The following RELN variants were observed in gnomAD, a reference collection of about 807,000 sequenced individuals.
The protein encoded by RELN is reelin.
Under a neutral mutation model 427.6 loss-of-function variants are expected in RELN, and 108 were observed. That is an observed-to-expected ratio of 0.25 (90% CI 0.22 to 0.30). RELN has a LOEUF of 0.30. Among genes scored for constraint, RELN ranks in the 10% least tolerant of loss-of-function variants. The pLI is 1.00. For missense variants in RELN, 3,715 were observed against 4,302.8 expected, an observed-to-expected ratio of 0.86 and a Z score of 3.82; for synonymous variants, 1,524 against 1,513.4, an observed-to-expected ratio of 1.01 and a Z score of -0.16.
chr7:103,591,161 T>C (rs1038210374), intron 27 of RELN, among the ~76,000 whole-genome samples: 1 of 152,258 alleles, frequency 6.6e-6, no homozygotes, highest in Non-Finnish European at 1.5e-5. Flanking sequence ...GTTCATTTAA[T>C]TACCTGCCAT....
At chr7:103,585,287 T>C (rs916342784) in intron 28 of RELN, among the ~76,000 whole-genome samples, 6 of 152,076 alleles carry the variant, frequency 3.9e-5, no homozygotes, top group African/African-American at 1.4e-4. Context: ...TTTGAAAAGA[T>C]AACAAAGTTG....
intron 22 of RELN, among the ~76,000 whole-genome samples, chr7:103,606,018 C>G (rs1446975345): frequency 6.6e-6 from 1 of 152,176 alleles, no homozygotes; most frequent in Non-Finnish European, 1.5e-5. Flanking sequence ...ACAATATTCA[C>G]AGTCCCACTA....
chr7:103,485,048 CAG>C (rs1828381268), intron 61 of RELN, among the ~76,000 whole-genome samples: 1 of 152,036 alleles, frequency 6.6e-6, no homozygotes, highest in African/African-American at 2.4e-5. Context: ...TCATGATTAA[CAG>C]AGTACCTAAT....
At chr7:103,830,334 A>G (rs1318621405) in intron 3 of RELN, among the ~76,000 whole-genome samples, 1 of 151,980 alleles carries the variant, frequency 6.6e-6, no homozygotes, top group African/African-American at 2.4e-5. Flanking sequence ...GTGGAAAATT[A>G]AATAATGGTA....
intron 1 of RELN, among the ~76,000 whole-genome samples, chr7:103,920,535 G>A (rs554353070): frequency 6.6e-6 from 1 of 151,120 alleles, no homozygotes; most frequent in Non-Finnish European, 1.5e-5. Context: ...TCTAAGTAGT[G>A]GGTATACACA....
At chr7:103,545,977 T>A (rs1007606729) in intron 41 of RELN, among the ~76,000 whole-genome samples, 5 of 152,132 alleles carry the variant, frequency 3.3e-5, no homozygotes, top group African/African-American at 4.8e-5. Flanking sequence ...TAACCTTTTT[T>A]AAAAAAACTG....
chr7:103,814,500 G>T (rs1309806638), intron 3 of RELN, among the ~76,000 whole-genome samples: 1 of 152,176 alleles, frequency 6.6e-6, no homozygotes, highest in Non-Finnish European at 1.5e-5. Flanking sequence ...TAAGGTCATG[G>T]TTCATATACA....
At chr7:103,916,932 C>A (rs1191211651) in intron 2 of RELN, 143 bp downstream of exon 2, 3 of 718,772 alleles carry the variant, frequency 4.2e-6, no homozygotes, top group Non-Finnish European at 7.5e-6. Flanking sequence ...CAACATCAAG[C>A]AAACACACAC....
intron 19 of RELN, among the ~76,000 whole-genome samples, chr7:103,630,869 T>G (rs575169971): frequency 2.7e-5 from 4 of 150,016 alleles, no homozygotes; most frequent in South Asian, 4.2e-4. Context: ...TGTTTTTTTT[T>G]TTTTTGTTTT....
At chr7:103,792,112 G>C (rs1792178640) in intron 3 of RELN, among the ~76,000 whole-genome samples, 1 of 152,164 alleles carries the variant, frequency 6.6e-6, no homozygotes, top group African/African-American at 2.4e-5. Context: ...AAATATTGCT[G>C]GTGGGAATAA....
chr7:103,736,379 G>A (rs1790492886), intron 6 of RELN, among the ~76,000 whole-genome samples: 1 of 152,116 alleles, frequency 6.6e-6, no homozygotes, highest in South Asian at 2.1e-4. Flanking sequence ...AATCTTTTTA[G>A]AGAAACAGCA....
At chr7:103,600,013 C>T (rs1831627891) in intron 24 of RELN, among the ~76,000 whole-genome samples, 1 of 152,144 alleles carries the variant, frequency 6.6e-6, no homozygotes, top group Non-Finnish European at 1.5e-5. Context: ...CCTTCTGCCT[C>T]ATTCTCCTGA....
intron 4 of RELN, among the ~76,000 whole-genome samples, chr7:103,776,134 A>G (rs1791734933): frequency 6.6e-6 from 1 of 152,232 alleles, no homozygotes; most frequent in South Asian, 2.1e-4. Flanking sequence ...TAGTGCACAC[A>G]GTTGAAACAG....
In RELN at chr7:103,783,081, G is replaced by T. The variant is rs138150318; in HGVS notation, c.474-6454C>A. 1.3e-3 allele frequency among the ~76,000 whole-genome samples: 201 copies of T among 151,664 alleles called. 5 individuals carry two copies. In the East Asian group the frequency reaches 0.037, roughly 28 times the overall value. ...GAGTTGATCTGAGTTCGGTAAATTT[G>T]ATCTTCAAAGGAATCAATTCACCCT... On this transcript the variant is annotated intron_variant, in intron 3 of 64. Transcript: ENST00000428762.
chr7:103,989,287 G>A lies in RELN; in HGVS notation c.70C>T (p.Arg24Cys). Residue 24 changes from arginine to cysteine, a missense_variant, in exon 1 of 65, where the codon CGC (arginine) becomes TGC (cysteine). Arg to Cys is a radical substitution (Grantham distance 180, BLOSUM62 -3). Coordinates refer to ENST00000428762, the MANE Select transcript of RELN (RefSeq NM_005045.4). The surrounding 1 kb of genome is among the most constrained non-coding windows in gnomAD (Gnocchi z 4.9). ...ALLLGATLRA[R>C]AAAGYYPRFS... ...CGGGGGTAATAGCCAGCCGCCGCGC[G>A]CGCCCTCAGCGTCGCCCCCAGCAAC... The A allele has an allele frequency of 6.2e-7, 1 of 1,612,662 alleles. No homozygotes were observed. Among genetic ancestry groups the A allele is most frequent in the Non-Finnish European group, 8.5e-7 (1 of 1,179,552 alleles).
chr7:103,487,653 C>T (rs1334194335), intron 60 of RELN, among the ~76,000 whole-genome samples: 2 of 152,128 alleles, frequency 1.3e-5, no homozygotes, highest in African/African-American at 4.8e-5. Flanking sequence ...TCTGGCTGGG[C>T]CTTGAATGTT....
intron 52 of RELN, 66 bp from the exon 53 acceptor site, chr7:103,500,988 G>A: frequency 7.1e-7 from 1 of 1,414,664 alleles, no homozygotes; most frequent in Non-Finnish European, 1.0e-6. Context: ...CCATTGTCCT[G>A]CATGTGTATT....
chr7:103,836,629 T>A (rs1489525487), intron 2 of RELN, among the ~76,000 whole-genome samples: 1 of 152,120 alleles, frequency 6.6e-6, no homozygotes, highest in East Asian at 1.9e-4. Flanking sequence ...CCCTCCTCTA[T>A]CTTCCTGCAA....
intron 1 of RELN, among the ~76,000 whole-genome samples, chr7:103,978,254 A>AT (rs1308234192): frequency 6.7e-6 from 1 of 149,722 alleles, no homozygotes; most frequent in Non-Finnish European, 1.5e-5. Flanking sequence ...GGCAACTACC[A>AT]TTCTATTCTC....
Sources: allele counts gnomAD v4.1 joint callset (sites outside exome capture counted in the v4.1 genomes callset), GRCh38; gene constraint gnomAD v4.1.1; non-coding constraint Gnocchi (gnomAD v3.1); transcripts MANE v1.5; gene names NCBI Gene and HGNC (gene_info 2026-07-23, HGNC 2026-07-21).